NOP58: variants seen among roughly 807,000 people sequenced by gnomAD.
NOP58 encodes the protein NOP58 ribonucleoprotein, also known as nucleolar protein 58.
A neutral mutation model predicts 71.2 loss-of-function variants in NOP58; 44 were observed. The observed-to-expected ratio is 0.62, with a 90% CI of 0.49 to 0.79. The LOEUF is 0.79. Ranked by LOEUF, NOP58 falls within the 30% of genes least tolerant of loss-of-function variation. The pLI is 0.00. For missense variants in NOP58, 538 were observed against 620.2 expected (o/e 0.87, Z 1.41); for synonymous variants, 228 against 200.3 (o/e 1.14, Z -1.17).
intron 5 of NOP58, among the ~76,000 whole-genome samples, chr2:202,286,434 GGTGGAGCTTGCAGTGA>G (rs1422291850): frequency 3.3e-5 from 5 of 152,046 alleles, no homozygotes; most frequent in Non-Finnish European, 5.9e-5. Flanking sequence ...GAACCCGGGA[GGTGGAGCTTGCAGTGA>G]GTGGAGATTG....
At position 202,303,511 on chromosome 2, in the gene NOP58, T is replaced by C; in HGVS notation, c.*75T>C. ...TCAACTGGGAGCATACCAGGGATGCTCTCTAACGTAATCAAGGGAAGGTTC... is the reference window on the plus strand; with the variant it reads ...TCAACTGGGAGCATACCAGGGATGCCCTCTAACGTAATCAAGGGAAGGTTC... On this transcript the variant is annotated 3_prime_UTR_variant, in exon 15 of 15. Transcript: ENST00000264279. 2.0e-6 allele frequency: 3 copies of C among 1,523,976 alleles called. No individual in the cohort carries two copies. The highest frequency in any genetic ancestry group is 2.6e-6 in the Non-Finnish European group (3 of 1,134,618). The allele number at this position is 1,523,976 out of a possible 1,614,324, so 94.4% of individuals were successfully genotyped here.
At chr2:202,297,733 A>G in intron 11 of NOP58, 112 bp from the exon 12 acceptor site, 1 of 821,016 alleles carries the variant, frequency 1.2e-6, no homozygotes, top group South Asian at 2.0e-5. Flanking sequence ...TAACAAAACA[A>G]AAAATAGCAG....
chr2:202,292,024 T>TA (rs1688910744), intron 8 of NOP58, among the ~76,000 whole-genome samples: 1 of 124,492 alleles, frequency 8.0e-6, no homozygotes, highest in Non-Finnish European at 1.6e-5. Flanking sequence ...TCTCACCCTG[T>TA]AGCCCAGGCT....
rs1250961530 is a variant in NOP58, at chr2:202,293,189, C to A, written c.907+286C>A. The A allele has an allele frequency of 5.0e-6, 3 of 597,090 alleles. No homozygotes were observed. The East Asian group carries it at 1.2e-4, about 23-fold the overall frequency. 37.0% of individuals were successfully genotyped at this position (597,090 alleles called of 1,614,324 possible). On this transcript the variant is annotated intron_variant, in intron 9 of 14. Coordinates refer to ENST00000264279, the MANE Select transcript of NOP58 (RefSeq NM_015934.5). ...GTTAATTAGAACAATCGGATGAATG[C>A]AGGAGGATAAAACAGTTAACATTTT...
chr2:202,281,827 G>A (rs978504646), intron 3 of NOP58, among the ~76,000 whole-genome samples: 3 of 152,144 alleles, frequency 2.0e-5, no homozygotes, highest in South Asian at 4.1e-4. Context: ...AAATACCAGC[G>A]GTCTCAAAAT....
intron 1 of NOP58, 135 bp downstream of exon 1, chr2:202,266,121 G>A: frequency 3.0e-6 from 3 of 991,698 alleles, no homozygotes; most frequent in Non-Finnish European, 4.7e-6. Context: ...GAGGGAGAAG[G>A]CCTTTACACC....
intron 1 of NOP58, among the ~76,000 whole-genome samples, chr2:202,268,606 T>G (rs1029053044): frequency 1.3e-5 from 2 of 151,134 alleles, no homozygotes; most frequent in Admixed American, 1.3e-4. Context: ...TTTTTTGAAG[T>G]TTTTTGTTTT....
intron 11 of NOP58, 39 bp downstream of exon 11, chr2:202,297,552 G>T (rs1249458137): frequency 6.3e-7 from 1 of 1,585,560 alleles, no homozygotes; most frequent in Non-Finnish European, 8.6e-7. Flanking sequence ...AGTATTACTT[G>T]TCAAAAGTTA....
intron 2 of NOP58, chr2:202,276,365 G>T: frequency 2.9e-6 from 1 of 340,056 alleles, no homozygotes; most frequent in Non-Finnish European, 6.2e-6. Flanking sequence ...AGATGACACT[G>T]TTTTAGGCAA....
intron 13 of NOP58, among the ~76,000 whole-genome samples, chr2:202,302,298 C>A (rs1384349272): frequency 6.6e-6 from 1 of 151,924 alleles, no homozygotes; most frequent in Non-Finnish European, 1.5e-5. Flanking sequence ...CCATGTTGGC[C>A]AGGCTGGTCT....
chr2:202,283,362 T>G (rs754180276), intron 4 of NOP58, among the ~76,000 whole-genome samples: 99 of 151,910 alleles, frequency 6.5e-4, no homozygotes, highest in Non-Finnish European at 9.1e-4. Flanking sequence ...TCCAAGTAGC[T>G]GGGATTACAG....
chr2:202,297,461 T>C lies in NOP58; in HGVS notation c.1154T>C (p.Val385Ala), dbSNP rs1689013607. 1.2e-6 allele frequency: 2 copies of C among 1,613,768 alleles called. No homozygotes were observed. The highest frequency in any genetic ancestry group is 1.3e-5 in the African/African-American group (1 of 74,886). Residue 385 changes from valine to alanine, a missense_variant, in exon 11 of 15, where the codon GTT becomes GCT. Physicochemically the swap from Val to Ala is moderately conservative, Grantham distance 64 (BLOSUM62 0). Coordinates refer to ENST00000264279, the MANE Select transcript of NOP58 (RefSeq NM_015934.5). Reference sequence around the variant, plus strand: ...GAGGATTCAAGTTCTGCAATGGGAGTTGAGAACAGAGCCAAATTAGAGGCC... The same window carrying C: ...GAGGATTCAAGTTCTGCAATGGGAGCTGAGAACAGAGCCAAATTAGAGGCC... ...FGEDSSSAMG[V>A]ENRAKLEARL... is the part of the protein sequence containing the mutation.
intron 8 of NOP58, among the ~76,000 whole-genome samples, chr2:202,291,909 T>G (rs985815266): frequency 2.7e-5 from 4 of 149,766 alleles, no homozygotes; most frequent in African/African-American, 9.8e-5. Context: ...TCTTTCAGAT[T>G]TGAAGGTAGC....
chr2:202,303,169 T>C, intron 14 of NOP58, 112 bp downstream of exon 14: 1 of 1,359,684 alleles, frequency 7.4e-7, no homozygotes, highest in Non-Finnish European at 1.0e-6. Flanking sequence ...TTTTCATTGA[T>C]GGAGAGGTAA....
chr2:202,279,818 G>A (rs1688671201), intron 3 of NOP58, among the ~76,000 whole-genome samples: 1 of 152,224 alleles, frequency 6.6e-6, no homozygotes, highest in South Asian at 2.1e-4. Context: ...ATTAAGTAGT[G>A]TACAGTAAAT....
intron 2 of NOP58, chr2:202,275,480 G>A: frequency 4.0e-6 from 1 of 248,028 alleles, no homozygotes; most frequent in Non-Finnish European, 7.7e-6. Flanking sequence ...CTGTCAGTAG[G>A]AACACATTTG....
chr2:202,293,268 T>TA, intron 9 of NOP58: 1 of 346,060 alleles, frequency 2.9e-6, no homozygotes, highest in Non-Finnish European at 5.5e-6. Context: ...GAAATCACTG[T>TA]AGAGAAAGAA....
intron 13 of NOP58, among the ~76,000 whole-genome samples, chr2:202,302,331 C>G (rs1382897976): frequency 6.6e-6 from 1 of 152,062 alleles, no homozygotes; most frequent in Non-Finnish European, 1.5e-5. Context: ...CTCAAGTGAT[C>G]CTCCCGCCTC....
chr2:202,284,649 C>T (rs973876542), intron 5 of NOP58, 168 bp downstream of exon 5: 5 of 654,096 alleles, frequency 7.6e-6, no homozygotes, highest in Non-Finnish European at 1.2e-5. Context: ...AAGGTCAATA[C>T]AGCTGGTAAG....
Sources: gnomAD v4.1 joint callset for allele counts (sites outside exome capture counted in the v4.1 genomes callset) on GRCh38, gnomAD v4.1.1 for gene constraint, MANE v1.5 for transcripts, NCBI Gene and HGNC (gene_info 2026-07-23, HGNC 2026-07-21) for gene names.